QSOX2: variants seen among roughly 807,000 people sequenced by gnomAD.
QSOX2 encodes the protein sulfhydryl oxidase 2.
In QSOX2, 46 loss-of-function variants were observed where a neutral mutation model predicts 61.7. The observed-to-expected ratio is 0.75, with a 90% CI of 0.59 to 0.95. The LOEUF (loss-of-function observed/expected upper bound fraction) is 0.95. QSOX2 is among the 40% of genes least tolerant of loss of function. The probability of loss-of-function intolerance (pLI) is 0.00; values close to 1 mark genes in which losing one functional copy is unlikely to be tolerated. For synonymous variants in QSOX2, 383 were observed against 388.4 expected, an observed-to-expected ratio of 0.99 and a Z score of 0.16; for missense variants, 879 against 918.9, an observed-to-expected ratio of 0.96 and a Z score of 0.56.
intron 1 of QSOX2, among the ~76,000 whole-genome samples, chr9:136,232,843 C>T (rs770401732): frequency 2.1e-5 from 3 of 145,976 alleles, no homozygotes; most frequent in Non-Finnish European, 4.5e-5. Context: ...ACTACTTGAG[C>T]TCAGGAGGTC....
intron 1 of QSOX2, among the ~76,000 whole-genome samples, chr9:136,244,659 C>T (rs182654687): frequency 6.6e-6 from 1 of 152,260 alleles, no homozygotes; most frequent in Non-Finnish European, 1.5e-5. Context: ...GTTGTGAATG[C>T]CCCCTCCCAC....
At chr9:136,238,204 T>G (rs1830405976) in intron 1 of QSOX2, among the ~76,000 whole-genome samples, 1 of 152,236 alleles carries the variant, frequency 6.6e-6, no homozygotes, top group Admixed American at 6.5e-5. Context: ...AGGTTTTACC[T>G]AATATTTCCT....
At chr9:136,230,329 G>A (rs28403102) in intron 1 of QSOX2, among the ~76,000 whole-genome samples, 3,559 of 152,322 alleles carry the variant, frequency 0.023, 122 homozygotes, top group African/African-American at 0.075. Context: ...GCGCTAGAGA[G>A]AATGTGAAGA....
At position 136,245,781 on chromosome 9, in the gene QSOX2, A is replaced by ACCGCCGCCCCGG; in HGVS notation, c.11_22dup (p.Ala4_Ala7dup). On this transcript the variant is annotated inframe_insertion, in exon 1 of 12. Coordinates refer to ENST00000358701, the MANE Select transcript of QSOX2 (RefSeq NM_181701.4). ...CGCTCCGATTCCCGGGCTGCGCGCC[A>ACCGCCGCCCCGG]CCGCCGCCCCGGCCGCCGCCATGTT... 3 of 1,146,060 alleles carry ACCGCCGCCCCGG rather than the reference A, an allele frequency of 2.6e-6. No individual in the cohort carries two copies. Among genetic ancestry groups the ACCGCCGCCCCGG allele is most frequent in the South Asian group, 8.3e-5 (2 of 23,956 alleles). The allele number at this position is 1,146,060 out of a possible 1,614,324, so 71.0% of individuals were successfully genotyped here.
At chr9:136,217,948 T>C (rs1203821303) in intron 8 of QSOX2, among the ~76,000 whole-genome samples, 1 of 152,276 alleles carries the variant, frequency 6.6e-6, no homozygotes, top group Non-Finnish European at 1.5e-5. Context: ...CAAATCACTT[T>C]GTAAGTAAAC....
At chr9:136,241,036 G>A (rs1470977389) in intron 1 of QSOX2, among the ~76,000 whole-genome samples, 8 of 151,774 alleles carry the variant, frequency 5.3e-5, no homozygotes, top group Admixed American at 3.3e-4. Flanking sequence ...AAACCATCCC[G>A]TCTTACTTCA....
chr9:136,235,766 GGCA>G (rs1465638383), intron 1 of QSOX2, among the ~76,000 whole-genome samples: 3 of 152,200 alleles, frequency 2.0e-5, no homozygotes, highest in Non-Finnish European at 4.4e-5. Flanking sequence ...TGGCTACAGA[GGCA>G]GCATGGCCCA....
chr9:136,211,452 C>G lies in QSOX2; in HGVS notation c.1361G>C (p.Gly454Ala). Reference protein sequence around the residue: ...STHPDALVGTGFEDDPQAVLQ... With the variant: ...STHPDALVGTAFEDDPQAVLQ... ...CACAGCCTGGGGGTCGTCTTCAAAG[C>G]CTGCAGGGGAAGAAACACTGCTGAC... Residue 454 changes from glycine to alanine, a missense_variant and splice_region_variant, in exon 11 of 12, where the codon GGC (glycine) becomes GCC (alanine). Transcript: ENST00000358701. The G allele has an allele frequency of 1.2e-6, 2 of 1,613,098 alleles. No individual in the cohort carries two copies. The highest frequency in any genetic ancestry group is 1.7e-6 in the Non-Finnish European group (2 of 1,179,160).
intron 1 of QSOX2, among the ~76,000 whole-genome samples, chr9:136,237,405 T>C (rs371228481): frequency 0.02 from 2,037 of 104,460 alleles, 20 homozygotes; most frequent in Middle Eastern, 0.024. Context: ...ACCTGGAGCC[T>C]GTCCTGGGCC....
chr9:136,217,698 CTGCCTAGCGACA>C (rs1831930818), intron 8 of QSOX2, among the ~76,000 whole-genome samples: 1 of 152,234 alleles, frequency 6.6e-6, no homozygotes, highest in Non-Finnish European at 1.5e-5. Context: ...GAGAGCAGGT[CTGCCTAGCGACA>C]GCTGTGCGAC....
At chr9:136,220,368 GGCT>G (rs1437319589) in intron 6 of QSOX2, among the ~76,000 whole-genome samples, 1 of 152,206 alleles carries the variant, frequency 6.6e-6, no homozygotes, top group Admixed American at 6.5e-5. Context: ...CGGTGTTCTG[GGCT>G]TCTGTAAGGC....
chr9:136,231,967 G>C (rs1007083631), intron 1 of QSOX2, among the ~76,000 whole-genome samples: 1 of 146,978 alleles, frequency 6.8e-6, no homozygotes, highest in Non-Finnish European at 1.5e-5. Context: ...CTCTCCCAGC[G>C]AAGAGAAACC....
Position 136,229,312 on chromosome 9 carries a change from C to T in QSOX2, c.329-2438G>A, listed in dbSNP as rs145734573. ...CACCCAGTCAGCGCAGCAGACGGCA[C>T]GGGACGCGGAAACAGGAGGTGCTCC... is the stretch of plus-strand genomic sequence containing the variant. On this transcript the variant is annotated intron_variant, in intron 1 of 11. Transcript: ENST00000358701. Among the ~76,000 whole-genome samples, 72 of 152,322 alleles carry T rather than the reference C, an allele frequency of 4.7e-4. 1 individual carries two copies. The East Asian group carries it at 0.011, about 22-fold the overall frequency.
Position 136,221,976 on chromosome 9 carries a change from G to T in QSOX2, c.676-35C>A, listed in dbSNP as rs1482823811. 1.3e-6 allele frequency: 2 copies of T among 1,516,452 alleles called. No individual in the cohort carries two copies. Among genetic ancestry groups the T allele is most frequent in the Non-Finnish European group, 1.8e-6 (2 of 1,128,544 alleles). The allele number at this position is 1,516,452 out of a possible 1,614,324, so 93.9% of individuals were successfully genotyped here. A position where few individuals can be genotyped will look rare whatever the true frequency, so the allele number is the denominator to read the frequency against. ...GAGAACACAATGACACTTCCACAGG[G>T]GCTGGCAGTTTCTCAGAAAACACGA... On this transcript the variant is annotated intron_variant, in intron 5 of 11. Coordinates refer to ENST00000358701, the MANE Select transcript of QSOX2 (RefSeq NM_181701.4). The surrounding 1 kb of genome is among the most constrained non-coding windows in gnomAD (Gnocchi z 4.5).
Position 136,219,196 on chromosome 9 carries a change from A to C in QSOX2, c.822-32T>G, listed in dbSNP as rs757060885. 14 of 1,598,874 alleles carry C rather than the reference A, an allele frequency of 8.8e-6. No homozygotes were observed. The Admixed American group carries it at 2.4e-4, about 28-fold the overall frequency. ...GAGAGGGGAGGGCAAAGGTGAGAAG[A>C]GCCTCCTTTATAAAATCCTAAAGTA... On this transcript the variant is annotated intron_variant, in intron 6 of 11. Coordinates refer to ENST00000358701, the MANE Select transcript of QSOX2 (RefSeq NM_181701.4).
At chr9:136,229,368 G>A (rs536804613) in intron 1 of QSOX2, among the ~76,000 whole-genome samples, 38 of 152,242 alleles carry the variant, frequency 2.5e-4, no homozygotes, top group Non-Finnish European at 5.0e-4. Context: ...GCTCACGGGC[G>A]GACCCCTCCA....
chr9:136,232,648 G>GTTT, intron 1 of QSOX2, among the ~76,000 whole-genome samples: 1 of 152,222 alleles, frequency 6.6e-6, no homozygotes, highest in South Asian at 2.1e-4. Context: ...AGGATACAGC[G>GTTT]TAAGTCGGGG....
At chr9:136,218,425 C>T (rs1329623077) in intron 8 of QSOX2, among the ~76,000 whole-genome samples, 1 of 152,242 alleles carries the variant, frequency 6.6e-6, no homozygotes, top group Non-Finnish European at 1.5e-5. Flanking sequence ...TGGGCTTTTC[C>T]AGCAGGTGCT....
rs1198717255 is a variant in QSOX2, at chr9:136,209,429, AC to A, written c.1550-155del. On this transcript the variant is annotated intron_variant, in intron 11 of 11. Transcript: ENST00000358701. This position sits in a 1 kb window ranked among gnomAD's most constrained non-coding sequence, Gnocchi z 5.6. ...GGCCTCCCTCCCTGCCCTTCCCACCACCCGTCCCTTGCAGTTCGGCCCAGAT... is the reference window on the plus strand; with the variant it reads ...GGCCTCCCTCCCTGCCCTTCCCACCACCGTCCCTTGCAGTTCGGCCCAGAT... The A allele has an allele frequency of 1.5e-5, 15 of 984,546 alleles. No homozygotes were observed. The South Asian group carries it at 7.1e-4, about 46-fold the overall frequency. The allele number at this position is 984,546 out of a possible 1,614,324, so 61.0% of individuals were successfully genotyped here. A position where few individuals can be genotyped will look rare whatever the true frequency, so the allele number is the denominator to read the frequency against.
Sources: allele counts gnomAD v4.1 joint callset (sites outside exome capture counted in the v4.1 genomes callset), GRCh38; gene constraint gnomAD v4.1.1; non-coding constraint Gnocchi (gnomAD v3.1); transcripts MANE v1.5; gene names NCBI Gene and HGNC (gene_info 2026-07-23, HGNC 2026-07-21).